Variants in CNTN4 observed in about 807,000 individuals in gnomAD.
CNTN4 encodes the protein contactin-4.
A neutral mutation model predicts 122.5 loss-of-function variants in CNTN4; 77 were observed. The observed-to-expected ratio is 0.63, with a 90% CI of 0.52 to 0.76. The LOEUF is 0.76. Among genes scored for constraint, CNTN4 ranks in the 30% least tolerant of loss-of-function variants. The pLI, the probability that CNTN4 is intolerant of heterozygous loss-of-function variation, is 0.00. For missense variants in CNTN4, 1,256 were observed against 1,259.1 expected, an observed-to-expected ratio of 1.00 and a Z score of 0.04; for synonymous variants, 512 against 447.0, an observed-to-expected ratio of 1.15 and a Z score of -1.83.
chr3:2,389,867 C>G (rs954493885), intron 3 of CNTN4, among the ~76,000 whole-genome samples: 21 of 152,058 alleles, frequency 1.4e-4, no homozygotes, highest in African/African-American at 5.1e-4. Context: ...AAACATCACA[C>G]AAAGCTAAAC....
chr3:2,732,503 TAAA>T (rs11368854), intron 4 of CNTN4, among the ~76,000 whole-genome samples: 1 of 139,572 alleles, frequency 7.2e-6, no homozygotes, highest in Non-Finnish European at 1.6e-5. Flanking sequence ...CTTACTGTGA[TAAA>T]AAAAAAAAAA....
intron 13 of CNTN4, among the ~76,000 whole-genome samples, chr3:2,963,177 C>G (rs2094879270): frequency 6.6e-6 from 1 of 152,078 alleles, no homozygotes; most frequent in Non-Finnish European, 1.5e-5. Context: ...ACATCTGCCC[C>G]CATCATTATC....
chr3:2,516,550 T>C (rs755626782), intron 3 of CNTN4, among the ~76,000 whole-genome samples: 22 of 152,202 alleles, frequency 1.4e-4, no homozygotes, highest in Middle Eastern at 3.4e-3. Context: ...TGTTTTATTG[T>C]ATAGTTAAAA....
intron 2 of CNTN4, among the ~76,000 whole-genome samples, chr3:2,129,105 T>C (rs149096485): frequency 6.6e-6 from 1 of 152,194 alleles, no homozygotes; most frequent in African/African-American, 2.4e-5. Context: ...AATCAACTAT[T>C]TAGGAAAAGA....
intron 6 of CNTN4, among the ~76,000 whole-genome samples, chr3:2,793,759 T>G (rs2092084797): frequency 6.6e-6 from 1 of 152,196 alleles, no homozygotes; most frequent in Non-Finnish European, 1.5e-5. Context: ...AAGTAACCAT[T>G]TCTTGCCTTG....
chr3:2,244,806 A>G (rs777652028), intron 2 of CNTN4, among the ~76,000 whole-genome samples: 3 of 151,606 alleles, frequency 2.0e-5, no homozygotes, highest in Non-Finnish European at 2.9e-5. Context: ...TCAGCCAAGC[A>G]TGGAAACATG....
intron 3 of CNTN4, among the ~76,000 whole-genome samples, chr3:2,493,897 A>G (rs1397612683): frequency 6.6e-6 from 1 of 152,132 alleles, no homozygotes; most frequent in Non-Finnish European, 1.5e-5. Flanking sequence ...TTTAGTGGCT[A>G]TCTTGGACCA....
chr3:2,820,605 G>A (rs116620527), intron 7 of CNTN4, among the ~76,000 whole-genome samples: 1,653 of 152,054 alleles, frequency 0.011, 29 homozygotes, highest in African/African-American at 0.038. Context: ...TAATTATTTG[G>A]TTGGTTCCTC....
intron 13 of CNTN4, among the ~76,000 whole-genome samples, chr3:2,939,202 G>A (rs768929406): frequency 1.3e-5 from 2 of 152,156 alleles, no homozygotes; most frequent in African/African-American, 2.4e-5. Flanking sequence ...CCATCATGAT[G>A]TTTCTAAATC....
chr3:2,321,148 A>C (rs527903166), intron 2 of CNTN4, among the ~76,000 whole-genome samples: 1 of 152,226 alleles, frequency 6.6e-6, no homozygotes, highest in South Asian at 2.1e-4. Flanking sequence ...GACCCATTTT[A>C]ATTCACAGAG....
chr3:2,483,954 G>T (rs2076075971), intron 3 of CNTN4, among the ~76,000 whole-genome samples: 1 of 152,094 alleles, frequency 6.6e-6, no homozygotes, highest in Admixed American at 6.5e-5. Flanking sequence ...GAATTGATAG[G>T]CTGGACATTA....
chr3:2,314,432 T>G (rs922211796), intron 2 of CNTN4, among the ~76,000 whole-genome samples: 2 of 151,984 alleles, frequency 1.3e-5, no homozygotes, highest in Non-Finnish European at 2.9e-5. Flanking sequence ...TACATACATA[T>G]TAGAAGTGAA....
At chr3:2,810,857 C>T (rs916714029) in intron 6 of CNTN4, among the ~76,000 whole-genome samples, 5 of 151,702 alleles carry the variant, frequency 3.3e-5, no homozygotes, top group African/African-American at 1.2e-4. Flanking sequence ...TTGGTATGAC[C>T]GAAGAGGGTG....
chr3:2,719,883 T>C (rs1315721956), intron 4 of CNTN4, among the ~76,000 whole-genome samples: 2 of 152,192 alleles, frequency 1.3e-5, no homozygotes, highest in African/African-American at 4.8e-5. Context: ...GGATATGTAG[T>C]GTTCAGCCCT....
At chr3:2,863,397 C>T (rs2093690002) in intron 7 of CNTN4, among the ~76,000 whole-genome samples, 1 of 147,554 alleles carries the variant, frequency 6.8e-6, no homozygotes, top group Non-Finnish European at 1.5e-5. Flanking sequence ...TGGTTAGGTT[C>T]CTTAGCATCT....
intron 3 of CNTN4, among the ~76,000 whole-genome samples, chr3:2,377,388 CA>C (rs1326461841): frequency 2.6e-5 from 4 of 152,278 alleles, no homozygotes; most frequent in African/African-American, 4.8e-5. Context: ...CTGCAATCCT[CA>C]GTCATTTTCT....
Position 2,814,176 on chromosome 3 carries a change from G to T in CNTN4, c.359-5310G>T, listed in dbSNP as rs2092676920. On this transcript the variant is annotated intron_variant, in intron 6 of 24. Coordinates refer to ENST00000418658, the MANE Select transcript of CNTN4 (RefSeq NM_175607.3). ...AAAGTTATGTAAAATGCTGACAAAT[G>T]AAATCAACACCAAAAAGTAGAGGTA... Among the ~76,000 whole-genome samples the T allele has an allele frequency of 2.6e-5, 4 of 152,126 alleles. No individual in the cohort carries two copies. The South Asian group carries it at 6.2e-4, about 24-fold the overall frequency.
At chr3:2,677,464 C>CTATACATAGATATAGAGATCTATG (rs1559377718) in intron 4 of CNTN4, among the ~76,000 whole-genome samples, 326 of 132,558 alleles carry the variant, frequency 2.5e-3, no homozygotes, top group African/African-American at 8.7e-3. Flanking sequence ...ATCTATGTAT[C>CTATACATAGATATAGAGATCTATG]TATCCATCTA....
chr3:2,876,368 A>G (rs1046446293), intron 8 of CNTN4, among the ~76,000 whole-genome samples: 1 of 152,218 alleles, frequency 6.6e-6, no homozygotes, highest in Non-Finnish European at 1.5e-5. Flanking sequence ...TGTGTGACTA[A>G]TTGGATATTT....
Sources: gnomAD v4.1 joint callset for allele counts (sites outside exome capture counted in the v4.1 genomes callset) on GRCh38, gnomAD v4.1.1 for gene constraint, MANE v1.5 for transcripts, NCBI Gene and HGNC (gene_info 2026-07-23, HGNC 2026-07-21) for gene names.